PKD2L1: variants seen among roughly 807,000 people sequenced by gnomAD.
PKD2L1 encodes polycystin 2 like 1, transient receptor potential cation channel.
In PKD2L1, 77 loss-of-function variants were observed where a neutral mutation model predicts 93.0. The ratio of observed to expected loss-of-function variants is 0.83; its 90% CI spans 0.69 to 1.00. PKD2L1 has a LOEUF of 1.00. PKD2L1 is among the 50% of genes least tolerant of loss of function. The pLI is 0.00. For missense variants in PKD2L1, 977 were observed against 990.9 expected (o/e 0.99, Z 0.19); for synonymous variants, 390 against 388.0 (o/e 1.01, Z -0.06).
intron 13 of PKD2L1, 98 bp downstream of exon 13, chr10:100,290,303 T>A: frequency 8.0e-7 from 1 of 1,256,002 alleles, no homozygotes; most frequent in Non-Finnish European, 1.1e-6. Flanking sequence ...CTCCCTGGGG[T>A]AGGACAGAGA....
chr10:100,301,425 C>T (rs1158564262), intron 2 of PKD2L1, among the ~76,000 whole-genome samples: 1 of 151,102 alleles, frequency 6.6e-6, no homozygotes, highest in African/African-American at 2.4e-5. Context: ...CTGCATAAGG[C>T]AGACACCCCC....
intron 2 of PKD2L1, among the ~76,000 whole-genome samples, chr10:100,319,205 A>G (rs1461775110): frequency 1.3e-5 from 2 of 152,214 alleles, no homozygotes; most frequent in African/African-American, 2.4e-5. Flanking sequence ...ACTAATATTT[A>G]TTGAAAGCCT....
intron 2 of PKD2L1, among the ~76,000 whole-genome samples, chr10:100,302,280 C>CACAT (rs1554916598): frequency 0.022 from 3,301 of 150,624 alleles, 72 homozygotes; most frequent in Middle Eastern, 0.048. Flanking sequence ...CACACACACA[C>CACAT]ATATCAATTA....
chr10:100,329,420 C>A, intron 1 of PKD2L1, 96 bp from the exon 2 acceptor site: 1 of 1,534,772 alleles, frequency 6.5e-7, no homozygotes, highest in South Asian at 1.2e-5. Flanking sequence ...CCCTTTCCAC[C>A]CCTGCCCTTC....
intron 3 of PKD2L1, 99 bp from the exon 4 acceptor site, chr10:100,298,914 C>T: frequency 9.2e-7 from 1 of 1,081,690 alleles, no homozygotes; most frequent in East Asian, 2.6e-5. Flanking sequence ...AGCTTGTCTC[C>T]AGTCTGCTTT....
At chr10:100,322,174 T>A (rs1350834392) in intron 2 of PKD2L1, among the ~76,000 whole-genome samples, 1 of 151,948 alleles carries the variant, frequency 6.6e-6, no homozygotes, top group Non-Finnish European at 1.5e-5. Context: ...GAGCTGAGGT[T>A]ACACCACCGC....
rs747322065 is a variant in PKD2L1, at chr10:100,329,893, G to T, written c.211C>A (p.Leu71Ile). The change falls in exon 1 of 16, where the codon CTC becomes ATC. Residue 71 changes from leucine to isoleucine, a missense_variant. Physicochemically the swap from Leu to Ile is conservative, Grantham distance 5. Coordinates refer to ENST00000318222, the MANE Select transcript of PKD2L1 (RefSeq NM_016112.3). ...AYRTQVSSCC[L>I]HICQGIRGLW... ...CCTCTGATGCCTTGACAGATATGGA[G>T]GCAGCAGCTGGACACCTGGGTCCTG... 5 of 1,611,622 alleles carry T rather than the reference G, an allele frequency of 3.1e-6. No homozygotes were observed. The East Asian group carries it at 1.1e-4, about 36-fold the overall frequency.
In PKD2L1 at chr10:100,297,213, A is replaced by G. The variant is rs2278841; in HGVS notation, c.957-5T>C. 646,523 of 1,611,498 alleles carry G rather than the reference A, an allele frequency of 0.4. 131,296 individuals carry two copies. The highest frequency in any genetic ancestry group is 0.53 in the East Asian group (23,760 of 44,816). The stretch of plus-strand genomic sequence containing the variant: ...GCTGGAAACTCCACCACCAGCCTAT[A>G]GGGGGAGGGGGAGATGACCTCCAGT... On this transcript the variant is annotated splice_region_variant and splice_polypyrimidine_tract_variant and intron_variant, in intron 5 of 15. Coordinates refer to ENST00000318222, the MANE Select transcript of PKD2L1 (RefSeq NM_016112.3).
chr10:100,307,827 A>G (rs1848839444), intron 2 of PKD2L1, among the ~76,000 whole-genome samples: 1 of 152,194 alleles, frequency 6.6e-6, no homozygotes, highest in Non-Finnish European at 1.5e-5. Context: ...TGAGGCTCAC[A>G]TGGAGGGGGT....
intron 2 of PKD2L1, among the ~76,000 whole-genome samples, chr10:100,317,202 C>T (rs1236480005): frequency 1.3e-5 from 2 of 152,106 alleles, no homozygotes; most frequent in Non-Finnish European, 2.9e-5. Context: ...ACACAAATAA[C>T]ACTTTTTATT....
intron 2 of PKD2L1, among the ~76,000 whole-genome samples, chr10:100,321,890 G>GGAAGCAAGCAAGGAA (rs1849264571): frequency 1.0e-3 from 2 of 1,928 alleles, no homozygotes; most frequent in Non-Finnish European, 2.8e-3. Flanking sequence ...GAGGGAGGGA[G>GGAAGCAAGCAAGGAA]GGAGGGAAGG....
At chr10:100,309,989 C>T (rs1185635763) in intron 2 of PKD2L1, among the ~76,000 whole-genome samples, 1 of 152,110 alleles carries the variant, frequency 6.6e-6, no homozygotes, top group Non-Finnish European at 1.5e-5. Context: ...ATATGGCAAC[C>T]ATAGCATTTC....
intron 8 of PKD2L1, 105 bp from the exon 9 acceptor site, chr10:100,294,760 A>T: frequency 3.3e-6 from 5 of 1,496,958 alleles, no homozygotes; most frequent in Non-Finnish European, 4.6e-6. Flanking sequence ...CCAATCTGAT[A>T]GACACAGGGC....
chr10:100,309,335 CT>C (rs1159612172), intron 2 of PKD2L1, among the ~76,000 whole-genome samples: 59 of 152,000 alleles, frequency 3.9e-4, no homozygotes, highest in African/African-American at 1.4e-3. Context: ...GATTTTCTTT[CT>C]TTTCATTCTC....
intron 2 of PKD2L1, among the ~76,000 whole-genome samples, chr10:100,306,019 C>CA (rs556457645): frequency 1.5e-4 from 23 of 151,704 alleles, no homozygotes; most frequent in South Asian, 1.0e-3. Flanking sequence ...CCTGTTTCTA[C>CA]AAAAAAAATA....
rs745615980 is a variant in PKD2L1 at position 100,297,355 on chromosome 10, G to A, written c.956+27C>T. The A allele has an allele frequency of 2.1e-5, 34 of 1,582,656 alleles. No individual in the cohort carries two copies. The South Asian group carries it at 3.5e-4, about 16-fold the overall frequency. ...ACGGGAACCAGGAGCCATGGACAGG[G>A]TGATAAAGTAGGGAAAGGGGGCTCA... On this transcript the variant is annotated intron_variant, in intron 5 of 15. Coordinates refer to ENST00000318222, the MANE Select transcript of PKD2L1 (RefSeq NM_016112.3).
At chr10:100,290,590 T>C (rs2242053) in intron 12 of PKD2L1, 71 bp from the exon 13 acceptor site, 109,312 of 909,572 alleles carry the variant, frequency 0.12, 13,639 homozygotes, top group African/African-American at 0.55. Context: ...TTCTATCACC[T>C]ACTCTACTGG....
chr10:100,319,195 A>C (rs1564893465), intron 2 of PKD2L1, among the ~76,000 whole-genome samples: 1 of 152,228 alleles, frequency 6.6e-6, no homozygotes, highest in Non-Finnish European at 1.5e-5. Flanking sequence ...GGGAATGGCA[A>C]CTAATATTTA....
chr10:100,322,236 C>A (rs1228446237), intron 2 of PKD2L1, among the ~76,000 whole-genome samples: 2 of 151,940 alleles, frequency 1.3e-5, no homozygotes, highest in Non-Finnish European at 2.9e-5. Context: ...ACAACAACAA[C>A]AACAAAAACA....
Sources: allele counts gnomAD v4.1 joint callset (sites outside exome capture counted in the v4.1 genomes callset), GRCh38; gene constraint gnomAD v4.1.1; transcripts MANE v1.5; gene names NCBI Gene and HGNC (gene_info 2026-07-23, HGNC 2026-07-21).